The following COX17 variants were observed in gnomAD, a reference collection of about 807,000 sequenced individuals.
COX17 encodes the protein cytochrome c oxidase copper chaperone COX17.
A neutral mutation model predicts 6.3 loss-of-function variants in COX17; 1 was observed. That is an observed-to-expected ratio of 0.16 (90% CI 0.06 to 0.75). The LOEUF is 0.75. Ranked by LOEUF, COX17 falls within the 30% of genes least tolerant of loss-of-function variation. COX17 has a pLI of 0.77. For synonymous variants in COX17, 26 were observed against 30.5 expected (o/e 0.85, Z 0.49); for missense variants, 73 against 81.2 (o/e 0.90, Z 0.39).
chr3:119,675,290 G>C, intron 1 of COX17, 57 bp from the exon 2 acceptor site: 1 of 1,233,704 alleles, frequency 8.1e-7, no homozygotes, highest in South Asian at 1.2e-5. Flanking sequence ...TATTAAGTAT[G>C]CATGATAGTG....
chr3:119,665,017 C>T (rs1303421080), downstream of COX17, among the ~76,000 whole-genome samples: 7 of 152,200 alleles, frequency 4.6e-5, no homozygotes, highest in East Asian at 1.3e-3. Context: ...AGCCATTTCC[C>T]CTTTTTCTTC....
rs1260880138 is a variant in COX17 at position 119,677,405 on chromosome 3, C to CT, written c.-96dup. 3.3e-5 allele frequency: 32 copies of CT among 981,950 alleles called. No individual in the cohort carries two copies. The East Asian group carries it at 7.8e-4, about 24-fold the overall frequency. The allele number at this position is 981,950 out of a possible 1,614,324, so 60.8% of individuals were successfully genotyped here. ...TCCGCAGTCACTTCCGGCAGTCGCT[C>CT]TAAAAAGTACAGGAAGTCCTGCTTC... is the stretch of plus-strand genomic sequence containing the variant. On this transcript the variant is annotated 5_prime_UTR_variant, in exon 1 of 3. Coordinates refer to ENST00000261070, the MANE Select transcript of COX17 (RefSeq NM_005694.2).
At chr3:119,675,012 G>C (rs1390969786) in intron 2 of COX17, 133 bp downstream of exon 2, 2 of 646,036 alleles carry the variant, frequency 3.1e-6, no homozygotes, top group Non-Finnish European at 5.4e-6. Context: ...ATTGGGAACT[G>C]AAAAATCATG....
intron 1 of COX17, chr3:119,676,917 T>C: frequency 2.9e-6 from 2 of 700,632 alleles, no homozygotes; most frequent in Non-Finnish European, 5.2e-6. Flanking sequence ...TCTCCATCGT[T>C]TCCCGGTACT....
downstream of COX17, among the ~76,000 whole-genome samples, chr3:119,667,450 A>C (rs551037046): frequency 6.6e-6 from 1 of 152,178 alleles, no homozygotes; most frequent in Non-Finnish European, 1.5e-5. Context: ...AAAGTTTAAA[A>C]AAATTGTGTT....
chr3:119,666,878 T>C (rs1027770232), downstream of COX17: 1 of 152,234 alleles, frequency 6.6e-6, no homozygotes, highest in African/African-American at 2.4e-5. Context: ...ATGTTTATAC[T>C]GGATAACTAG....
downstream of COX17, among the ~76,000 whole-genome samples, chr3:119,666,476 T>C (rs890635900): frequency 6.6e-6 from 1 of 152,226 alleles, no homozygotes; most frequent in Non-Finnish European, 1.5e-5. Context: ...TTACTTGCTA[T>C]CAAAAGCACC....
chr3:119,675,876 T>A (rs1265313934), intron 1 of COX17, among the ~76,000 whole-genome samples: 1 of 152,168 alleles, frequency 6.6e-6, no homozygotes, highest in Non-Finnish European at 1.5e-5. Context: ...AGAACCCACG[T>A]GGTCTGAGGC....
At chr3:119,665,032 T>C (rs753877720), downstream of COX17, among the ~76,000 whole-genome samples, 9 of 152,242 alleles carry the variant, frequency 5.9e-5, no homozygotes, top group Non-Finnish European at 8.8e-5. Context: ...TTCTTCAGTT[T>C]ATGCAAATCT....
chr3:119,672,915 C>T (rs2053059383), intron 2 of COX17, among the ~76,000 whole-genome samples: 1 of 152,218 alleles, frequency 6.6e-6, no homozygotes, highest in South Asian at 2.1e-4. Context: ...TTCCATTACA[C>T]AGTAACTTCT....
At chr3:119,672,399 C>T (rs2053053298) in intron 2 of COX17, among the ~76,000 whole-genome samples, 1 of 152,068 alleles carries the variant, frequency 6.6e-6, no homozygotes, top group Non-Finnish European at 1.5e-5. Context: ...ACAATTGTAC[C>T]ACCTTTGTGG....
intron 2 of COX17, among the ~76,000 whole-genome samples, chr3:119,673,366 G>A (rs182846277): frequency 7.9e-5 from 12 of 152,274 alleles, no homozygotes; most frequent in South Asian, 2.1e-4. Flanking sequence ...TCTAGCTGCC[G>A]TGAAGCAACA....
chr3:119,667,822 AAACC>A (rs779056967), downstream of COX17, among the ~76,000 whole-genome samples: 2 of 152,268 alleles, frequency 1.3e-5, no homozygotes, highest in African/African-American at 2.4e-5. Flanking sequence ...TGTTTCCATT[AAACC>A]AACCAACAAA....
At chr3:119,675,033 A>AT in intron 2 of COX17, 112 bp downstream of exon 2, 1 of 726,728 alleles carries the variant, frequency 1.4e-6, no homozygotes, top group Non-Finnish European at 2.3e-6. Context: ...GTTTTTTCAA[A>AT]TTGATACTTA....
At position 119,671,905 on chromosome 3, in the gene COX17, C is replaced by T. The variant is rs116221911; in HGVS notation, c.*5-2240G>A. 2.0e-3 allele frequency among the ~76,000 whole-genome samples: 299 copies of T among 152,284 alleles called. 1 individual carries two copies. The highest frequency in any genetic ancestry group is 3.4e-3 in the Middle Eastern group (1 of 294). On this transcript the variant is annotated intron_variant, in intron 2 of 2. Coordinates refer to ENST00000261070, the MANE Select transcript of COX17 (RefSeq NM_005694.2). The stretch of plus-strand genomic sequence containing the variant: ...TAGGACACCTGGGACCAATAAGGAT[C>T]CAACACCCAGTCCTCTTCCCAAAAT...
chr3:119,665,600 C>G (rs931379230), downstream of COX17, among the ~76,000 whole-genome samples: 1 of 152,164 alleles, frequency 6.6e-6, no homozygotes, highest in Non-Finnish European at 1.5e-5. Context: ...TCTTGAACTC[C>G]AGGATTCAAG....
intron 2 of COX17, among the ~76,000 whole-genome samples, chr3:119,670,754 G>T (rs1577179052): frequency 1.8e-4 from 1 of 5,528 alleles, no homozygotes; most frequent in Admixed American, 2.7e-3. Flanking sequence ...GATCAGTTTT[G>T]TGTGTGTGTG....
chr3:119,671,880 T>C (rs368141428), intron 2 of COX17, among the ~76,000 whole-genome samples: 8 of 152,272 alleles, frequency 5.3e-5, no homozygotes, highest in East Asian at 3.9e-4. Context: ...GTTGGGGAAA[T>C]AGGACACCTG....
At chr3:119,674,062 C>T (rs2053073240) in intron 2 of COX17, among the ~76,000 whole-genome samples, 1 of 151,562 alleles carries the variant, frequency 6.6e-6, no homozygotes, top group South Asian at 2.1e-4. Context: ...CAGCTGCTGC[C>T]CCGTCTGGGA....
Sources: gnomAD v4.1 joint callset for allele counts (sites outside exome capture counted in the v4.1 genomes callset) on GRCh38, gnomAD v4.1.1 for gene constraint, MANE v1.5 for transcripts, NCBI Gene and HGNC (gene_info 2026-07-23, HGNC 2026-07-21) for gene names.